The following AGA variants were observed in gnomAD, a reference collection of about 807,000 sequenced individuals.
The protein encoded by AGA is N(4)-(beta-N-acetylglucosaminyl)-L-asparaginase.
Under a neutral mutation model 40.1 loss-of-function variants are expected in AGA, and 31 were observed. That is an observed-to-expected ratio of 0.77 (90% CI 0.58 to 1.04). The LOEUF (loss-of-function observed/expected upper bound fraction) is 1.04. Ranked by LOEUF, AGA falls within the 50% of genes least tolerant of loss-of-function variation. The pLI is 0.00. For missense variants in AGA, 445 were observed against 435.4 expected (o/e 1.02, Z -0.20); for synonymous variants, 148 against 144.0 (o/e 1.03, Z -0.20).
In AGA at chr4:177,440,387, G is replaced by A. The variant is rs758886928; in HGVS notation, c.167C>T (p.Ala56Val). 2.4e-5 allele frequency: 38 copies of A among 1,613,842 alleles called. No individual in the cohort carries two copies. Among genetic ancestry groups the A allele is most frequent in the Non-Finnish European group, 3.1e-5 (37 of 1,180,028 alleles). ...ACACATGGCACAGCCGCTCTCCACT[G>A]CATCCAGGGCAGAGCCTCCAGATGC... ...ALASGGSALD[A>V]VESGCAMCER... Residue 56 changes from alanine (A) to valine (V), a missense_variant, in exon 2 of 9, where the codon GCA (alanine) becomes GTA (valine). Ala to Val is a moderately conservative substitution (Grantham distance 64). Transcript: ENST00000264595.
chr4:177,430,776 T>G lies in AGA; in HGVS notation c.*932A>C. 4.5e-6 allele frequency: 2 copies of G among 447,638 alleles called. No homozygotes were observed. Among genetic ancestry groups the G allele is most frequent in the Non-Finnish European group, 9.0e-6 (2 of 222,900 alleles). The allele number at this position is 447,638 out of a possible 1,614,324, so 27.7% of individuals were successfully genotyped here. On this transcript the variant is annotated 3_prime_UTR_variant, in exon 9 of 9. Transcript: ENST00000264595. ...AAAAAACAGCTGAAATTCTAAAGTTTGAATATCGTACATGTACATTTATTA... is the reference window on the plus strand; with the variant it reads ...AAAAAACAGCTGAAATTCTAAAGTTGGAATATCGTACATGTACATTTATTA...
rs149921310 is a variant in AGA at position 177,442,333 on chromosome 4, G to A, written c.43C>T (p.Leu15=). 6.1e-5 allele frequency: 98 copies of A among 1,614,018 alleles called. No homozygotes were observed. Among genetic ancestry groups the A allele is most frequent in the Non-Finnish European group, 8.1e-5 (96 of 1,179,968 alleles). The change falls in exon 1 of 9, where the codon CTG becomes TTG. Residue 15 remains leucine, a synonymous_variant. Transcript: ENST00000264595. ...CAGCGCACTAGGGCCTGGCAGAGCA[G>A]AAACGGCACGAGAAGCACAGGCAAG... ...SNLPVLLVPF[L]LCQALVRCSS... is the part of the protein sequence containing the mutation.
chr4:177,436,887 T>C (rs1200539005), intron 5 of AGA, among the ~76,000 whole-genome samples: 1 of 152,220 alleles, frequency 6.6e-6, no homozygotes, highest in East Asian at 1.9e-4. Flanking sequence ...GGGTTCCTGA[T>C]ATAAAGGATG....
intron 3 of AGA, 102 bp from the exon 4 acceptor site, chr4:177,438,959 G>C: frequency 1.3e-6 from 1 of 752,386 alleles, no homozygotes; most frequent in Middle Eastern, 3.2e-4. Context: ...TCTTAAGTGA[G>C]CTACACAAAG....
chr4:177,434,163 T>C (rs1489869823), intron 7 of AGA, among the ~76,000 whole-genome samples: 1 of 151,870 alleles, frequency 6.6e-6, no homozygotes, highest in South Asian at 2.1e-4. Context: ...CCAGCTAAAT[T>C]TTTTGTATTT....
chr4:177,442,105 A>T, intron 1 of AGA, 144 bp downstream of exon 1: 1 of 1,210,822 alleles, frequency 8.3e-7, no homozygotes, highest in Non-Finnish European at 1.1e-6. Context: ...AGACTCGGGA[A>T]GACCTAGAGG....
Position 177,431,508 on chromosome 4 carries a change from GATAAT to G in AGA, c.*195_*199del, listed in dbSNP as rs1736632288. 3.2e-6 allele frequency: 2 copies of G among 632,552 alleles called. No homozygotes were observed. The highest frequency in any genetic ancestry group is 1.7e-5 in the South Asian group (1 of 60,080). The allele number at this position is 632,552 out of a possible 1,614,324, so 39.2% of individuals were successfully genotyped here. Reference sequence around the variant, plus strand: ...ACAGCCACATACATATTCATCTTCAGATAATATAAGAAAGGTTAAATAAAAATAGA... The same window carrying G: ...ACAGCCACATACATATTCATCTTCAGATAAGAAAGGTTAAATAAAAATAGA... On this transcript the variant is annotated 3_prime_UTR_variant, in exon 9 of 9. Transcript: ENST00000264595.
In AGA at chr4:177,436,213, C is replaced by G. The variant is rs1309307857; in HGVS notation, c.698+63G>C. The stretch of plus-strand genomic sequence containing the variant: ...CTGTGCTTTGCAACCCCCATAGCAC[C>G]CGGCATATATTGCTCTGCATTCAGT... On this transcript the variant is annotated intron_variant, in intron 6 of 8. Coordinates refer to ENST00000264595, the MANE Select transcript of AGA (RefSeq NM_000027.4). 5.1e-6 allele frequency: 7 copies of G among 1,376,676 alleles called. No individual in the cohort carries two copies. The African/African-American group carries it at 8.6e-5, about 17-fold the overall frequency. 85.3% of individuals were successfully genotyped at this position (1,376,676 alleles called of 1,614,324 possible).
In AGA at chr4:177,442,299, G is replaced by T; in HGVS notation, c.77C>A (p.Pro26His). ...CCAAGTGTTGACGACCAGGGGCAGA[G>T]GGCTGGAGCAGCGCACTAGGGCCTG... ...LCQALVRCSS[P>H]LPLVVNTWPF... Residue 26 changes from proline to histidine, a missense_variant, in exon 1 of 9, where the codon CCT (proline) becomes CAT (histidine). Pro to His is a moderately conservative substitution (Grantham distance 77). Coordinates refer to ENST00000264595, the MANE Select transcript of AGA (RefSeq NM_000027.4). The T allele has an allele frequency of 6.2e-7, 1 of 1,614,092 alleles. No homozygotes were observed. The highest frequency in any genetic ancestry group is 1.1e-5 in the South Asian group (1 of 91,080).
chr4:177,434,838 C>T (rs1304550673), intron 6 of AGA, among the ~76,000 whole-genome samples: 1 of 151,968 alleles, frequency 6.6e-6, no homozygotes, highest in Non-Finnish European at 1.5e-5. Context: ...GTTCCAGAGG[C>T]CTACTGCGGA....
At position 177,437,519 on chromosome 4, in the gene AGA, T is replaced by G; in HGVS notation, c.508A>C (p.Asn170His). ...ARNCQPNYWR[N>H]VIPDPSKYCG... ...TATTTTGAGGGATCTGGTATAACATTCTGTAAACAAGATTTAAGTTTTATT... is the reference window on the plus strand; with the variant it reads ...TATTTTGAGGGATCTGGTATAACATGCTGTAAACAAGATTTAAGTTTTATT... Residue 170 changes from asparagine to histidine, a missense_variant and splice_region_variant, in exon 5 of 9, where the codon AAT becomes CAT. Transcript: ENST00000264595. The G allele has an allele frequency of 6.3e-7, 1 of 1,589,956 alleles. No homozygotes were observed. Among genetic ancestry groups the G allele is most frequent in the East Asian group, 2.2e-5 (1 of 44,652 alleles).
At chr4:177,442,200 C>A (rs765482359) in intron 1 of AGA, 49 bp downstream of exon 1, 2 of 1,608,752 alleles carry the variant, frequency 1.2e-6, no homozygotes, top group East Asian at 2.2e-5. Context: ...GTCATCCCCA[C>A]CCGCAAGCTC....
chr4:177,436,431 T>TAC, intron 5 of AGA, 80 bp from the exon 6 acceptor site: 2 of 1,085,900 alleles, frequency 1.8e-6, no homozygotes, highest in Non-Finnish European at 2.8e-6. Flanking sequence ...CAACTGGTAA[T>TAC]AACTGCTGTG....
At position 177,433,343 on chromosome 4, in the gene AGA, G is replaced by A; in HGVS notation, c.811C>T (p.Gln271Ter). The A allele has an allele frequency of 6.2e-7, 1 of 1,613,952 alleles. No homozygotes were observed. Among genetic ancestry groups the A allele is most frequent in the Non-Finnish European group, 8.5e-7 (1 of 1,179,946 alleles). ...CCTCTTCTCATGTATTCTACAGCTT[G>A]GTAGCTGATTGAAACAGAGGTGAAA... The part of the protein sequence containing the change: ...DILMRFLPSY[Q>*]AVEYMRRGED... The change falls in exon 8 of 9, where the codon CAA (glutamine) becomes TAA (stop). Residue 271 changes from glutamine to a stop codon, truncating the protein, a stop_gained. Transcript: ENST00000264595. LOFTEE classifies it high-confidence loss of function.
chr4:177,439,628 C>T lies in AGA; in HGVS notation c.342G>A (p.Val114=), dbSNP rs1162483846. The change falls in exon 3 of 9, where the codon GTG becomes GTA. Residue 114 remains valine, a synonymous_variant. Transcript: ENST00000264595. ...DLRRIKNAIG[V]ARKVLEHTTH... is the part of the protein sequence containing the mutation. The stretch of plus-strand genomic sequence containing the variant: ...TTGTATGTTCCAGTACTTTCCGTGC[C>T]ACACCAATAGCATTTTTAATTCGTC... The T allele has an allele frequency of 6.2e-7, 1 of 1,614,068 alleles. No homozygotes were observed. The highest frequency in any genetic ancestry group is 1.1e-5 in the South Asian group (1 of 91,064).
rs1736907190 is a variant in AGA, at chr4:177,438,938, G to A, written c.395-81C>T. 9 of 835,874 alleles carry A rather than the reference G, an allele frequency of 1.1e-5. 1 individual carries two copies. The South Asian group carries it at 1.3e-4, about 12-fold the overall frequency. The allele number at this position is 835,874 out of a possible 1,614,324, so 51.8% of individuals were successfully genotyped here. Reference sequence around the variant, plus strand: ...AAATATATGTACTAGAGACATTCTGGGTCAGCAGCATCTTAAGTGAGCTAC... The same window carrying A: ...AAATATATGTACTAGAGACATTCTGAGTCAGCAGCATCTTAAGTGAGCTAC... On this transcript the variant is annotated intron_variant, in intron 3 of 8. Transcript: ENST00000264595.
chr4:177,438,817 G>C lies in AGA; in HGVS notation c.435C>G (p.Asp145Glu), dbSNP rs199682344. Residue 145 changes from aspartate (D) to glutamate (E), a missense_variant, in exon 4 of 9, where the codon GAC becomes GAG. Coordinates refer to ENST00000264595, the MANE Select transcript of AGA (RefSeq NM_000027.4). The part of the protein sequence containing the change: ...FAQSMGFINE[D>E]LSTTASQALH... ...GAGCTTGAGAAGCAGTGGTAGATAAGTCTTCATTGATAAACCCCATACTTT... is the reference window on the plus strand; with the variant it reads ...GAGCTTGAGAAGCAGTGGTAGATAACTCTTCATTGATAAACCCCATACTTT... 1.2e-6 allele frequency: 2 copies of C among 1,610,130 alleles called. No individual in the cohort carries two copies. Among genetic ancestry groups the C allele is most frequent in the South Asian group, 2.2e-5 (2 of 90,994 alleles).
intron 1 of AGA, among the ~76,000 whole-genome samples, chr4:177,441,629 G>T (rs1165376095): frequency 6.6e-6 from 1 of 152,220 alleles, no homozygotes; most frequent in East Asian, 1.9e-4. Context: ...ATCACCTAGG[G>T]AGCTTTTTAA....
chr4:177,441,783 T>G (rs1017675297), intron 1 of AGA, among the ~76,000 whole-genome samples: 2 of 152,162 alleles, frequency 1.3e-5, no homozygotes, highest in Non-Finnish European at 2.9e-5. Context: ...AGGTAAAGTA[T>G]GACAACACGT....
Sources: gnomAD v4.1 joint callset for allele counts (sites outside exome capture counted in the v4.1 genomes callset) on GRCh38, gnomAD v4.1.1 for gene constraint, MANE v1.5 for transcripts, NCBI Gene and HGNC (gene_info 2026-07-23, HGNC 2026-07-21) for gene names.